Variants in POU6F2 observed in about 807,000 individuals in gnomAD.
POU6F2 encodes POU class 6 homeobox 2.
In POU6F2, 31 loss-of-function variants were observed where a neutral mutation model predicts 71.3. That is an observed-to-expected ratio of 0.43 (90% CI 0.33 to 0.59). POU6F2 has a LOEUF of 0.59. Ranked by LOEUF, POU6F2 falls within the 20% of genes least tolerant of loss-of-function variation. POU6F2 has a pLI of 0.04. For missense variants in POU6F2, 783 were observed against 856.8 expected, an observed-to-expected ratio of 0.91 and a Z score of 1.07; for synonymous variants, 347 against 355.7, an observed-to-expected ratio of 0.98 and a Z score of 0.27.
At chr7:39,132,494 G>A (rs1371300953) in intron 2 of POU6F2, 1 of 152,146 alleles carries the variant, frequency 6.6e-6, no homozygotes, top group Non-Finnish European at 1.5e-5. Context: ...TCCTAAAGTG[G>A]AACCAGTGTG....
chr7:39,037,960 C>T (rs1790101570), intron 1 of POU6F2, among the ~76,000 whole-genome samples: 1 of 152,018 alleles, frequency 6.6e-6, no homozygotes, highest in African/African-American at 2.4e-5. Flanking sequence ...TCTCCAAATT[C>T]AAATATATAG....
intron 4 of POU6F2, among the ~76,000 whole-genome samples, chr7:39,331,561 G>A (rs1263935963): frequency 6.6e-6 from 1 of 152,150 alleles, no homozygotes; most frequent in Non-Finnish European, 1.5e-5. Context: ...TGGCTGGAGT[G>A]CAGTGGTGCG....
chr7:39,248,101 GA>G (rs555163509), intron 4 of POU6F2, among the ~76,000 whole-genome samples: 128 of 147,224 alleles, frequency 8.7e-4, no homozygotes, highest in Non-Finnish European at 1.3e-3. Context: ...TCTTTTCCAG[GA>G]AAAAAAAAAG....
At chr7:39,236,948 A>G (rs181693172) in intron 4 of POU6F2, among the ~76,000 whole-genome samples, 2 of 152,210 alleles carry the variant, frequency 1.3e-5, no homozygotes, top group African/African-American at 4.8e-5. Flanking sequence ...GATTTGGTGT[A>G]TAAGAGAATT....
chr7:39,166,451 A>G (rs1402822098), intron 2 of POU6F2, among the ~76,000 whole-genome samples: 1 of 152,162 alleles, frequency 6.6e-6, no homozygotes, highest in Non-Finnish European at 1.5e-5. Flanking sequence ...TGAATTATGG[A>G]TACCAGAGAA....
chr7:39,334,182 A>G (rs1205550613), intron 4 of POU6F2, among the ~76,000 whole-genome samples: 1 of 152,210 alleles, frequency 6.6e-6, no homozygotes. Context: ...ATGTGTAGCA[A>G]TACTTCTGGA....
chr7:39,220,554 A>C (rs1048044522), intron 4 of POU6F2, among the ~76,000 whole-genome samples: 2 of 152,168 alleles, frequency 1.3e-5, no homozygotes, highest in African/African-American at 2.4e-5. Flanking sequence ...TTAATACAGA[A>C]GCTACATGGT....
intron 1 of POU6F2, among the ~76,000 whole-genome samples, chr7:38,995,590 A>T (rs16879986): frequency 6.6e-6 from 1 of 152,206 alleles, no homozygotes; most frequent in Non-Finnish European, 1.5e-5. Context: ...TAAGGTCCCA[A>T]TGAATAATTT....
At chr7:39,059,254 TAGGAA>T (rs1368867373) in intron 1 of POU6F2, among the ~76,000 whole-genome samples, 1 of 151,954 alleles carries the variant, frequency 6.6e-6, no homozygotes. Context: ...ATAAGATAAT[TAGGAA>T]AGGAAAGTAA....
At chr7:39,316,585 G>A (rs1427376866) in intron 4 of POU6F2, among the ~76,000 whole-genome samples, 1 of 152,176 alleles carries the variant, frequency 6.6e-6, no homozygotes, top group Non-Finnish European at 1.5e-5. Flanking sequence ...CCCCATGCTT[G>A]CCAAGTTCTT....
Position 39,364,821 on chromosome 7 carries a change from T to C in POU6F2, c.972+24806T>C, listed in dbSNP as rs569640395. The stretch of plus-strand genomic sequence containing the variant: ...CTGGATCAAATGGTAGTTCTACTTT[T>C]AGTTCTTTAAGGAATCTCTACACTG... On this transcript the variant is annotated intron_variant, in intron 5 of 9. Coordinates refer to ENST00000518318, the MANE Select transcript of POU6F2 (RefSeq NM_001370959.1). Among the ~76,000 whole-genome samples, 16 of 152,340 alleles carry C rather than the reference T, an allele frequency of 1.1e-4. No individual in the cohort carries two copies. In the East Asian group the frequency reaches 2.7e-3, roughly 26 times the overall value.
chr7:39,016,218 T>G (rs1789545259), intron 1 of POU6F2, among the ~76,000 whole-genome samples: 1 of 143,288 alleles, frequency 7.0e-6, no homozygotes. Context: ...TAAGATTACC[T>G]ATATATAATG....
In POU6F2 at chr7:39,131,285, G is replaced by C. The variant is rs557984265; in HGVS notation, c.277+45254G>C. On this transcript the variant is annotated intron_variant, in intron 2 of 9. Transcript: ENST00000518318. Reference sequence around the variant, plus strand: ...CACCAGCTGCCACAATTGCCAAACTGCTGGAGTGAAAAATTCCATCCCGCA... The same window carrying C: ...CACCAGCTGCCACAATTGCCAAACTCCTGGAGTGAAAAATTCCATCCCGCA... 3.9e-5 allele frequency among the ~76,000 whole-genome samples: 6 copies of C among 152,238 alleles called. No homozygotes were observed. In the East Asian group the frequency reaches 1.2e-3, roughly 29 times the overall value.
At chr7:39,003,506 T>C (rs2696187) in intron 1 of POU6F2, among the ~76,000 whole-genome samples, 80,442 of 149,800 alleles carry the variant, frequency 0.54, 22,175 homozygotes, top group East Asian at 0.69. Context: ...TTTGGGACGC[T>C]GAGGCAGGCG....
chr7:39,424,813 C>G (rs890063176), intron 6 of POU6F2, among the ~76,000 whole-genome samples: 1 of 150,074 alleles, frequency 6.7e-6, no homozygotes, highest in Non-Finnish European at 1.5e-5. Context: ...TGAGGAAAAA[C>G]AAGCACACAC....
rs144814713 is a variant in POU6F2, at chr7:39,086,867, C to G, written c.277+836C>G. Among the ~76,000 whole-genome samples the G allele has an allele frequency of 3.5e-3, 540 of 152,240 alleles. 4 individuals carry two copies. The highest frequency in any genetic ancestry group is 6.7e-3 in the Non-Finnish European group (456 of 68,012). ...GAGTGATAGATGTTAATGGATGTCT[C>G]TGCTGGAGAAGCACTTTAGGGTACA... On this transcript the variant is annotated intron_variant, in intron 2 of 9. Coordinates refer to ENST00000518318, the MANE Select transcript of POU6F2 (RefSeq NM_001370959.1).
intron 5 of POU6F2, among the ~76,000 whole-genome samples, chr7:39,352,215 C>T (rs867185985): frequency 4.7e-4 from 72 of 152,294 alleles, no homozygotes; most frequent in African/African-American, 1.6e-3. Context: ...TCTGTGGCCA[C>T]TAACTAAATT....
chr7:39,141,726 TA>T (rs1229808320), intron 2 of POU6F2, among the ~76,000 whole-genome samples: 1 of 152,200 alleles, frequency 6.6e-6, no homozygotes, highest in East Asian at 1.9e-4. Context: ...GTATTATTTT[TA>T]AAAAAGATGT....
At position 39,158,783 on chromosome 7, in the gene POU6F2, G is replaced by A. The variant is rs913386104; in HGVS notation, c.278-45452G>A. Among the ~76,000 whole-genome samples the A allele has an allele frequency of 3.3e-5, 5 of 152,106 alleles. No individual in the cohort carries two copies. The South Asian group carries it at 6.2e-4, about 19-fold the overall frequency. ...TACTCAGTTCGCTGATTGAAATGCCGTCTTTTCTGGAAACACCCTCACAGA... is the reference window on the plus strand; with the variant it reads ...TACTCAGTTCGCTGATTGAAATGCCATCTTTTCTGGAAACACCCTCACAGA... On this transcript the variant is annotated intron_variant, in intron 2 of 9. Transcript: ENST00000518318.
Sources: allele counts gnomAD v4.1 joint callset (sites outside exome capture counted in the v4.1 genomes callset), GRCh38; gene constraint gnomAD v4.1.1; transcripts MANE v1.5; gene names NCBI Gene and HGNC (gene_info 2026-07-23, HGNC 2026-07-21).